SULT4A1: variants seen among roughly 807,000 people sequenced by gnomAD.
SULT4A1 encodes sulfotransferase 4A1.
SULT4A1 carries 11 observed loss-of-function variants against 35.2 expected under a neutral mutation model. That is an observed-to-expected ratio of 0.31 (90% CI 0.20 to 0.52). SULT4A1 has a LOEUF of 0.52. SULT4A1 is among the 20% of genes least tolerant of loss of function. SULT4A1 has a pLI of 0.97. For missense variants in SULT4A1, 271 were observed against 383.7 expected, an observed-to-expected ratio of 0.71 and a Z score of 2.45; for synonymous variants, 152 against 151.8, an observed-to-expected ratio of 1.00 and a Z score of -0.01.
rs2063341969 is a variant in SULT4A1, at chr22:43,833,691, C to T, written c.552G>A (p.Glu184=). The T allele has an allele frequency of 2.5e-6, 4 of 1,588,142 alleles. No individual in the cohort carries two copies. The highest frequency in any genetic ancestry group is 3.4e-6 in the Non-Finnish European group (4 of 1,166,820). The part of the protein sequence containing the change: ...SWFEHVQEFW[E]HRMDSNVLFL... ...AAAGCACGTTCGAGTCCATGCGGTGCTCCCAGAACTCCTGCACGTGCTCAA... is the reference window on the plus strand; with the variant it reads ...AAAGCACGTTCGAGTCCATGCGGTGTTCCCAGAACTCCTGCACGTGCTCAA... The change falls in exon 5 of 7, where the codon GAG becomes GAA. Residue 184 remains glutamate (E), a synonymous_variant. Coordinates refer to ENST00000330884, the MANE Select transcript of SULT4A1 (RefSeq NM_014351.4).
At chr22:43,845,446 CG>C (rs1295944393) in intron 1 of SULT4A1, among the ~76,000 whole-genome samples, 10 of 152,218 alleles carry the variant, frequency 6.6e-5, no homozygotes, top group Admixed American at 1.3e-4. Context: ...AGGCTCAGGC[CG>C]GATGGTGGCC....
chr22:43,828,279 G>A (rs1375542207), intron 6 of SULT4A1, among the ~76,000 whole-genome samples: 1 of 152,238 alleles, frequency 6.6e-6, no homozygotes, highest in Non-Finnish European at 1.5e-5. Context: ...GGCCTCCTAT[G>A]GCCAAGGCCA....
chr22:43,825,048 C>CA lies in SULT4A1; in HGVS notation c.*952dup, dbSNP rs1224244083. 1 of 152,238 alleles carries CA rather than the reference C, an allele frequency of 6.6e-6. No individual in the cohort carries two copies. The highest frequency in any genetic ancestry group is 1.5e-5 in the Non-Finnish European group (1 of 68,046). The allele number at this position is 152,238 out of a possible 1,614,324, so 9.4% of individuals were successfully genotyped here. ...GGCTACACTCGCAAAATGGTCCTCC[C>CA]ACGGCTGAGCGCCTCAGGTGCACAG... On this transcript the variant is annotated 3_prime_UTR_variant, in exon 7 of 7. Coordinates refer to ENST00000330884, the MANE Select transcript of SULT4A1 (RefSeq NM_014351.4).
intron 1 of SULT4A1, among the ~76,000 whole-genome samples, chr22:43,853,898 G>T (rs2285163): frequency 6.6e-6 from 1 of 152,156 alleles, no homozygotes; most frequent in Non-Finnish European, 1.5e-5. Context: ...AAGGGGAAGA[G>T]GCTCCGCCCT....
intron 1 of SULT4A1, among the ~76,000 whole-genome samples, chr22:43,845,924 G>A (rs2063473442): frequency 6.6e-6 from 1 of 152,172 alleles, no homozygotes; most frequent in African/African-American, 2.4e-5. Flanking sequence ...TGGGTCCATG[G>A]AAAAACTGTC....
intron 1 of SULT4A1, among the ~76,000 whole-genome samples, chr22:43,851,969 G>A (rs772343861): frequency 3.9e-5 from 6 of 152,154 alleles, no homozygotes; most frequent in Non-Finnish European, 7.3e-5. Flanking sequence ...GATCTTCTGG[G>A]TTTCTAATCC....
At position 43,845,780 on chromosome 22, in the gene SULT4A1, T is replaced by C. The variant is rs114006260; in HGVS notation, c.170-3848A>G. Among the ~76,000 whole-genome samples the C allele has an allele frequency of 9.5e-3, 1,440 of 152,226 alleles. 27 individuals are homozygous for C. The highest frequency in any genetic ancestry group is 0.033 in the African/African-American group (1,373 of 41,536). On this transcript the variant is annotated intron_variant, in intron 1 of 6. Coordinates refer to ENST00000330884, the MANE Select transcript of SULT4A1 (RefSeq NM_014351.4). The stretch of plus-strand genomic sequence containing the variant: ...GATCAGCGGGAACACGAGATTCTCA[T>C]AGGAGCACAAACTCTATTGTGAACT...
intron 1 of SULT4A1, among the ~76,000 whole-genome samples, chr22:43,846,841 G>A (rs1169315377): frequency 1.3e-5 from 2 of 152,170 alleles, no homozygotes; most frequent in African/African-American, 4.8e-5. Flanking sequence ...TGTGGGCAGC[G>A]TCCCTGAAAT....
chr22:43,840,017 G>A lies in SULT4A1; in HGVS notation c.309C>T (p.Thr103=). The change falls in exon 3 of 7, where the codon ACC becomes ACT. Residue 103 remains threonine (T), a synonymous_variant. Transcript: ENST00000330884. ...GGTGGCTCTTGATGAGGCGGGGAGA[G>A]GTCAGTTCCTGCGTGGAGTCAGAGG... The part of the protein sequence containing the change: ...QPGLDIIKEL[T]SPRLIKSHLP... The A allele has an allele frequency of 1.2e-6, 2 of 1,602,986 alleles. No homozygotes were observed. Among genetic ancestry groups the A allele is most frequent in the Non-Finnish European group, 1.7e-6 (2 of 1,175,098 alleles).
chr22:43,827,679 ACCAAGGTAAACCATGATAAAGCAAAC>A, intron 6 of SULT4A1: 1 of 1,358,628 alleles, frequency 7.4e-7, no homozygotes, highest in South Asian at 1.1e-5. Flanking sequence ...ATAAAGCAAA[ACCAAGGTAAACCATGATAAAGCAAAC>A]CCAAGGGAAG....
intron 1 of SULT4A1, among the ~76,000 whole-genome samples, chr22:43,844,719 A>C (rs773978265): frequency 2.0e-5 from 3 of 152,138 alleles, no homozygotes; most frequent in Non-Finnish European, 2.9e-5. Flanking sequence ...GCCTCAGCCT[A>C]GGCACAGCTG....
In SULT4A1 at chr22:43,839,007, G is replaced by A. The variant is rs1226653000; in HGVS notation, c.382-14C>T. ...CATATAGATGACCTGTGGGTGACAG[G>A]AGCAGGATGAGTCCGTGTCTCCTTC... On this transcript the variant is annotated splice_polypyrimidine_tract_variant and intron_variant, in intron 3 of 6. Coordinates refer to ENST00000330884, the MANE Select transcript of SULT4A1 (RefSeq NM_014351.4). The A allele has an allele frequency of 1.2e-6, 2 of 1,613,586 alleles. No homozygotes were observed. The highest frequency in any genetic ancestry group is 1.1e-5 in the South Asian group (1 of 91,066).
chr22:43,844,999 C>T (rs2063463806), intron 1 of SULT4A1, among the ~76,000 whole-genome samples: 1 of 152,258 alleles, frequency 6.6e-6, no homozygotes, highest in South Asian at 2.1e-4. Flanking sequence ...AGAAGTGTGC[C>T]GGGACCAAAG....
chr22:43,844,620 G>A (rs1358748452), intron 1 of SULT4A1, among the ~76,000 whole-genome samples: 4 of 152,208 alleles, frequency 2.6e-5, no homozygotes, highest in African/African-American at 4.8e-5. Context: ...GGCCCTCTGA[G>A]CTCTGCACAC....
chr22:43,861,928 C>T (rs1358143210), intron 1 of SULT4A1, among the ~76,000 whole-genome samples: 3 of 152,258 alleles, frequency 2.0e-5, no homozygotes, highest in Non-Finnish European at 4.4e-5. Context: ...TGGGCCCATC[C>T]TCCTGCAGCG....
chr22:43,839,046 G>A (rs998870895), intron 3 of SULT4A1, 53 bp from the exon 4 acceptor site: 30 of 1,603,432 alleles, frequency 1.9e-5, no homozygotes, highest in Non-Finnish European at 2.6e-5. Context: ...CCCAGGCAGG[G>A]CTGCCCCGAC....
chr22:43,849,185 T>C (rs1177158354), intron 1 of SULT4A1, among the ~76,000 whole-genome samples: 2 of 152,074 alleles, frequency 1.3e-5, no homozygotes, highest in Non-Finnish European at 2.9e-5. Context: ...ACAGAAAGCA[T>C]CAGAACTGAT....
At chr22:43,854,578 C>T (rs1054848821) in intron 1 of SULT4A1, among the ~76,000 whole-genome samples, 13 of 152,214 alleles carry the variant, frequency 8.5e-5, no homozygotes, top group Non-Finnish European at 1.5e-4. Flanking sequence ...TCACCTGCAG[C>T]GCTGGTGAGG....
At chr22:43,851,184 C>G (rs901091949) in intron 1 of SULT4A1, among the ~76,000 whole-genome samples, 2 of 152,190 alleles carry the variant, frequency 1.3e-5, no homozygotes, top group Non-Finnish European at 2.9e-5. Flanking sequence ...AAAACCTCCA[C>G]CATCACACTT....
Sources: gnomAD v4.1 joint callset for allele counts (sites outside exome capture counted in the v4.1 genomes callset) on GRCh38, gnomAD v4.1.1 for gene constraint, MANE v1.5 for transcripts, NCBI Gene and HGNC (gene_info 2026-07-23, HGNC 2026-07-21) for gene names.